The following FSD1 variants were observed in gnomAD, a reference collection of about 807,000 sequenced individuals.
The protein encoded by FSD1 is fibronectin type III and SPRY domain-containing protein 1.
In FSD1, 23 loss-of-function variants were observed where a neutral mutation model predicts 58.2. That is an observed-to-expected ratio of 0.40 (90% CI 0.28 to 0.56). The LOEUF (loss-of-function observed/expected upper bound fraction) is 0.56. FSD1 is among the 20% of genes least tolerant of loss of function. The pLI, the probability that FSD1 is intolerant of heterozygous loss-of-function variation, is 0.54. For synonymous variants in FSD1, 265 were observed against 263.4 expected, an observed-to-expected ratio of 1.01 and a Z score of -0.06; for missense variants, 563 against 670.8, an observed-to-expected ratio of 0.84 and a Z score of 1.78.
At chr19:4,311,753 A>C in intron 6 of FSD1, 89 bp from the exon 7 acceptor site, 1 of 1,236,984 alleles carries the variant, frequency 8.1e-7, no homozygotes. Flanking sequence ...AAAATTGTCC[A>C]ACATGTGGTT....
chr19:4,318,211 G>T, intron 8 of FSD1, 135 bp from the exon 9 acceptor site: 1 of 1,093,556 alleles, frequency 9.1e-7, no homozygotes, highest in Non-Finnish European at 1.3e-6. Flanking sequence ...TCTCTGTCTT[G>T]GACTCTTATC....
Position 4,306,285 on chromosome 19 carries a change from A to T in FSD1, c.199A>T (p.Met67Leu). 6.2e-7 allele frequency: 1 copy of T among 1,614,118 alleles called. No individual in the cohort carries two copies. Among genetic ancestry groups the T allele is most frequent in the Non-Finnish European group, 8.5e-7 (1 of 1,180,012 alleles). ...LLEELKEGML[M>L]KIKQDRASRT... ...GGAGGAGCTGAAAGAAGGCATGCTT[A>T]TGAAGATAAAACAGGACCGTGCCAG... Residue 67 changes from methionine (M) to leucine (L), a missense_variant, in exon 3 of 13, where the codon ATG (methionine) becomes TTG (leucine). Transcript: ENST00000221856.
At chr19:4,306,515 T>G (rs1411256452) in intron 3 of FSD1, among the ~76,000 whole-genome samples, 186 bp downstream of exon 3, 1 of 151,884 alleles carries the variant, frequency 6.6e-6, no homozygotes, top group Non-Finnish European at 1.5e-5. Context: ...TCGCCCAGGC[T>G]GGAGTGCAGT....
intron 3 of FSD1, 29 bp from the exon 4 acceptor site, chr19:4,307,853 T>C: frequency 6.3e-7 from 1 of 1,580,692 alleles, no homozygotes; most frequent in Non-Finnish European, 8.7e-7. Flanking sequence ...GGGTGAGTTG[T>C]CCCCTCCTTT....
chr19:4,319,585 G>A (rs865970671), intron 10 of FSD1, among the ~76,000 whole-genome samples: 1 of 152,160 alleles, frequency 6.6e-6, no homozygotes, highest in African/African-American at 2.4e-5. Context: ...AAGTTAGGGA[G>A]TAGCTGGGGT....
chr19:4,323,082 G>C lies in FSD1; in HGVS notation c.1136G>C (p.Gly379Ala). 1.2e-6 allele frequency: 2 copies of C among 1,610,354 alleles called. No homozygotes were observed. The highest frequency in any genetic ancestry group is 1.7e-6 in the Non-Finnish European group (2 of 1,179,748). The change falls in exon 11 of 13, where the codon GGC becomes GCC. Residue 379 changes from glycine to alanine, a missense_variant. Transcript: ENST00000221856. This position sits in a 1 kb window ranked among gnomAD's most constrained non-coding sequence, Gnocchi z 7.7. ...FGVGVAYRSLGRFEQLGKTAA... is the reference protein window; with the variant it reads ...FGVGVAYRSLARFEQLGKTAA... ...GTGGGCGTGGCCTACCGCAGCCTGG[G>C]CCGCTTCGAGCAACTGGGCAAGACG...
chr19:4,308,413 CAAAG>C (rs1304054886), intron 4 of FSD1, among the ~76,000 whole-genome samples: 3 of 151,414 alleles, frequency 2.0e-5, no homozygotes, highest in African/African-American at 4.9e-5. Flanking sequence ...ATCTCAAAAA[CAAAG>C]AAAAAAAGAA....
At position 4,318,339 on chromosome 19, in the gene FSD1, G is replaced by A. The variant is rs764104563; in HGVS notation, c.800-7G>A. On this transcript the variant is annotated splice_region_variant and splice_polypyrimidine_tract_variant and intron_variant, in intron 8 of 12. Transcript: ENST00000221856. ...TCTCTGTGACTCCCACGTCTGCCCG[G>A]CCCCAGCGTTCATGTTCCGCCTGGA... 3.1e-6 allele frequency: 5 copies of A among 1,613,646 alleles called. No homozygotes were observed. Among genetic ancestry groups the A allele is most frequent in the Non-Finnish European group, 4.2e-6 (5 of 1,179,968 alleles).
intron 4 of FSD1, among the ~76,000 whole-genome samples, chr19:4,308,458 C>T (rs1971649740): frequency 6.6e-6 from 1 of 152,026 alleles, no homozygotes. Flanking sequence ...TGCAGTGGCT[C>T]ATGCCTGTAA....
chr19:4,318,098 C>T (rs894555258), intron 8 of FSD1, among the ~76,000 whole-genome samples: 2 of 151,834 alleles, frequency 1.3e-5, no homozygotes, highest in African/African-American at 4.8e-5. Flanking sequence ...GCTTCTGGCT[C>T]CATGTTCTGT....
chr19:4,308,143 C>T (rs1273964185), intron 4 of FSD1, among the ~76,000 whole-genome samples, 160 bp downstream of exon 4: 1 of 152,216 alleles, frequency 6.6e-6, no homozygotes, highest in Non-Finnish European at 1.5e-5. Flanking sequence ...GGCACAGTGG[C>T]TACGCCTGTA....
intron 4 of FSD1, 30 bp from the exon 5 acceptor site, chr19:4,310,243 C>T (rs768945785): frequency 1.2e-6 from 2 of 1,613,626 alleles, no homozygotes; most frequent in Non-Finnish European, 1.7e-6. Context: ...AAAAAGAAAT[C>T]TTTGAATGTT....
At chr19:4,306,745 C>T (rs957871244) in intron 3 of FSD1, among the ~76,000 whole-genome samples, 4 of 150,784 alleles carry the variant, frequency 2.7e-5, no homozygotes, top group Admixed American at 6.6e-5. Flanking sequence ...TGAGCCCCCG[C>T]GCCTGGCCCA....
chr19:4,318,965 G>A lies in FSD1; in HGVS notation c.1039+14G>A. 1.2e-6 allele frequency: 2 copies of A among 1,607,812 alleles called. No individual in the cohort carries two copies. Among genetic ancestry groups the A allele is most frequent in the Non-Finnish European group, 1.7e-6 (2 of 1,174,860 alleles). Reference sequence around the variant, plus strand: ...ACACAGTTCTGGGTAAGGAAGGGGAGAAGAAAGGGGAGAGGGGAGTTTTGG... The same window carrying A: ...ACACAGTTCTGGGTAAGGAAGGGGAAAAGAAAGGGGAGAGGGGAGTTTTGG... On this transcript the variant is annotated intron_variant, in intron 10 of 12. Transcript: ENST00000221856.
At position 4,322,114 on chromosome 19, in the gene FSD1, T is replaced by C. The variant is rs1227795754; in HGVS notation, c.1040-872T>C. Among the ~76,000 whole-genome samples the C allele has an allele frequency of 7.0e-5, 10 of 143,720 alleles. No homozygotes were observed. The Admixed American group carries it at 7.0e-4, about 10-fold the overall frequency. 94.3% of individuals were successfully genotyped at this position (143,720 alleles called of 152,430 possible). A position where few individuals can be genotyped will look rare whatever the true frequency, so the allele number is the denominator to read the frequency against. Reference sequence around the variant, plus strand: ...GGAATAGCTGGGATCCTGAGGAATATCTGGGGGGAATAGCTGGGTCCCCAA... The same window carrying C: ...GGAATAGCTGGGATCCTGAGGAATACCTGGGGGGAATAGCTGGGTCCCCAA... On this transcript the variant is annotated intron_variant, in intron 10 of 12. Coordinates refer to ENST00000221856, the MANE Select transcript of FSD1 (RefSeq NM_024333.3).
In FSD1 at chr19:4,315,938, T is replaced by C. The variant is rs1432655630; in HGVS notation, c.701-1244T>C. ...GCCACCGCGCCTAGCCAGTTTTTTGTATTTTTTAGTAGAGACAGAGTTTCA... is the reference window on the plus strand; with the variant it reads ...GCCACCGCGCCTAGCCAGTTTTTTGCATTTTTTAGTAGAGACAGAGTTTCA... On this transcript the variant is annotated intron_variant, in intron 7 of 12. Transcript: ENST00000221856. 2.0e-5 allele frequency among the ~76,000 whole-genome samples: 3 copies of C among 151,798 alleles called. No individual in the cohort carries two copies. In the East Asian group the frequency reaches 5.8e-4, roughly 29 times the overall value.
intron 7 of FSD1, among the ~76,000 whole-genome samples, chr19:4,315,607 C>CTTTT (rs1302777132): frequency 9.6e-5 from 9 of 93,780 alleles, no homozygotes; most frequent in Admixed American, 3.5e-4. Flanking sequence ...CGTGCCTGGC[C>CTTTT]TTTTTTTTTT....
Position 4,310,465 on chromosome 19 carries a change from C to T in FSD1, c.369-10C>T. On this transcript the variant is annotated splice_polypyrimidine_tract_variant and intron_variant, in intron 5 of 12. Transcript: ENST00000221856. ...TCCCCCACGCAACGCCTGCCACCTC[C>T]TTCCTGCAGAGTGACCATGGCCCCT... 6.2e-7 allele frequency: 1 copy of T among 1,609,404 alleles called. No homozygotes were observed. Among genetic ancestry groups the T allele is most frequent in the Non-Finnish European group, 8.5e-7 (1 of 1,176,456 alleles).
chr19:4,321,228 T>C (rs1487729438), intron 10 of FSD1, among the ~76,000 whole-genome samples: 8 of 135,202 alleles, frequency 5.9e-5, no homozygotes, highest in African/African-American at 2.0e-4. Context: ...CTGGGGGGAA[T>C]AGCTGGGACT....
Sources: allele counts gnomAD v4.1 joint callset (sites outside exome capture counted in the v4.1 genomes callset), GRCh38; gene constraint gnomAD v4.1.1; non-coding constraint Gnocchi (gnomAD v3.1); transcripts MANE v1.5; gene names NCBI Gene and HGNC (gene_info 2026-07-23, HGNC 2026-07-21).